ZDHHC21: variants seen among roughly 807,000 people sequenced by gnomAD.
ZDHHC21 encodes zDHHC palmitoyltransferase 21.
Under a neutral mutation model 34.6 loss-of-function variants are expected in ZDHHC21, and 15 were observed. The ratio of observed to expected loss-of-function variants is 0.43; its 90% confidence interval spans 0.29 to 0.67. ZDHHC21 has a LOEUF of 0.67. Ranked by LOEUF, ZDHHC21 falls within the 30% of genes least tolerant of loss-of-function variation. The probability of loss-of-function intolerance (pLI) is 0.14; values close to 1 mark genes in which losing one functional copy is unlikely to be tolerated. For missense variants in ZDHHC21, 344 were observed against 327.7 expected (o/e 1.05, Z -0.38); for synonymous variants, 142 against 101.8 (o/e 1.40, Z -2.38).
Position 14,612,529 on chromosome 9 carries a change from T to A in ZDHHC21, c.*6437A>T, listed in dbSNP as rs1741284231. 1 of 152,002 alleles carries A rather than the reference T, an allele frequency of 6.6e-6. No individual in the cohort carries two copies. The highest frequency in any genetic ancestry group is 2.4e-5 in the African/African-American group (1 of 41,432). 9.4% of individuals were successfully genotyped at this position (152,002 alleles called of 1,614,324 possible). On this transcript the variant is annotated 3_prime_UTR_variant, in exon 10 of 10. Coordinates refer to ENST00000380916, the MANE Select transcript of ZDHHC21 (RefSeq NM_178566.6). ...TAAAGGGTGTTTCTCTTCATTTTTG[T>A]AAAATTAACTACTAAGCAAAATTAG...
chr9:14,680,949 G>T (rs1837269759), intron 2 of ZDHHC21, among the ~76,000 whole-genome samples: 2 of 152,136 alleles, frequency 1.3e-5, no homozygotes, highest in Admixed American at 6.5e-5. Flanking sequence ...AACAAACCCT[G>T]TGAGGTAGCT....
chr9:14,621,223 C>T (rs1433445052), intron 8 of ZDHHC21, among the ~76,000 whole-genome samples: 1 of 151,826 alleles, frequency 6.6e-6, no homozygotes, highest in African/African-American at 2.4e-5. Flanking sequence ...ATATGAATGG[C>T]CTAAGATCAC....
chr9:14,662,349 C>A, intron 5 of ZDHHC21, 23 bp from the exon 6 acceptor site: 5 of 1,566,312 alleles, frequency 3.2e-6, no homozygotes, highest in South Asian at 1.2e-5. Context: ...AATTAAAATC[C>A]ATTTAATGAA....
chr9:14,674,334 G>T lies in ZDHHC21; in HGVS notation c.7C>A (p.Leu3Ile), dbSNP rs773550675. Residue 3 changes from leucine to isoleucine, a missense_variant, in exon 4 of 10, where the codon CTC becomes ATC. Transcript: ENST00000380916. MG[L>I]RIHFVVDPHG... ...GGGTCAACAACAAAGTGAATCCGGA[G>T]ACCCATTTTGCAATCTTATAACTGC... is the stretch of plus-strand genomic sequence containing the variant. 2 of 1,593,368 alleles carry T rather than the reference G, an allele frequency of 1.3e-6. No homozygotes were observed. Among genetic ancestry groups the T allele is most frequent in the African/African-American group, 2.7e-5 (2 of 73,376 alleles).
Position 14,693,305 on chromosome 9 carries a change from A to C in ZDHHC21, c.-301T>G, listed in dbSNP as rs1839466672. On this transcript the variant is annotated 5_prime_UTR_variant, in exon 1 of 10. Coordinates refer to ENST00000380916, the MANE Select transcript of ZDHHC21 (RefSeq NM_178566.6). ...CTCTTTCCCCTCCTCCTGCCGCGCC[A>C]CCTCCGCCTCCTCCGGCGCCGCCGC... 1 of 414,394 alleles carries C rather than the reference A, an allele frequency of 2.4e-6. No individual in the cohort carries two copies. 25.7% of individuals were successfully genotyped at this position (414,394 alleles called of 1,614,324 possible). A position where few individuals can be genotyped will look rare whatever the true frequency, so the allele number is the denominator to read the frequency against.
intron 6 of ZDHHC21, among the ~76,000 whole-genome samples, chr9:14,659,251 A>C (rs1157930896): frequency 2.0e-5 from 3 of 152,130 alleles, no homozygotes; most frequent in Non-Finnish European, 4.4e-5. Context: ...AGAGAGCAAG[A>C]ACCCTGCTTC....
At chr9:14,626,079 T>A (rs1410197072) in intron 8 of ZDHHC21, among the ~76,000 whole-genome samples, 2 of 152,016 alleles carry the variant, frequency 1.3e-5, no homozygotes, top group African/African-American at 4.8e-5. Flanking sequence ...AAACTGTTTA[T>A]AATCAAAACT....
At position 14,619,054 on chromosome 9, in the gene ZDHHC21, A is replaced by C; in HGVS notation, c.710T>G (p.Phe237Cys). The change falls in exon 10 of 10, where the codon TTT (phenylalanine) becomes TGT (cysteine). Residue 237 changes from phenylalanine to cysteine, a missense_variant. Coordinates refer to ENST00000380916, the MANE Select transcript of ZDHHC21 (RefSeq NM_178566.6). Reference protein sequence around the residue: ...KPWQQTFSEVFGTRWKILWFI... With the variant: ...KPWQQTFSEVCGTRWKILWFI... ...CCACAGGATCTTCCAACGAGTGCCAAAAACTTCTGAGAAGGTCTGCTGCCA... is the reference window on the plus strand; with the variant it reads ...CCACAGGATCTTCCAACGAGTGCCACAAACTTCTGAGAAGGTCTGCTGCCA... 6.2e-7 allele frequency: 1 copy of C among 1,612,250 alleles called. No homozygotes were observed. The highest frequency in any genetic ancestry group is 8.5e-7 in the Non-Finnish European group (1 of 1,179,034).
At chr9:14,638,708 G>C (rs956531421) in intron 8 of ZDHHC21, among the ~76,000 whole-genome samples, 1 of 151,624 alleles carries the variant, frequency 6.6e-6, no homozygotes, top group African/African-American at 2.4e-5. Context: ...GTGGGCATAG[G>C]ACATGAATAT....
chr9:14,662,155 G>T, intron 6 of ZDHHC21, 60 bp downstream of exon 6: 2 of 1,260,894 alleles, frequency 1.6e-6, no homozygotes, highest in East Asian at 2.4e-5. Context: ...CTGCCAAGTT[G>T]TAAGATTTAC....
chr9:14,676,339 A>G (rs900032120), intron 3 of ZDHHC21, among the ~76,000 whole-genome samples: 6 of 151,856 alleles, frequency 4.0e-5, no homozygotes, highest in Admixed American at 6.6e-5. Flanking sequence ...AACAATTCAT[A>G]ATCAATTGAA....
intron 8 of ZDHHC21, among the ~76,000 whole-genome samples, chr9:14,639,081 C>G (rs1053681305): frequency 6.6e-6 from 1 of 151,978 alleles, no homozygotes; most frequent in Admixed American, 6.6e-5. Context: ...GCACTATTCA[C>G]AAGAGCAAGG....
rs1472431687 is a variant in ZDHHC21, at chr9:14,615,986, G to C, written c.*2980C>G. ...AGTTATCCAGAATACATAAGAAATT[G>C]TTACTAAAACTATAGATATAACTCT... On this transcript the variant is annotated 3_prime_UTR_variant, in exon 10 of 10. Transcript: ENST00000380916. 1 of 151,302 alleles carries C rather than the reference G, an allele frequency of 6.6e-6. No homozygotes were observed. Among genetic ancestry groups the C allele is most frequent in the Non-Finnish European group, 1.5e-5 (1 of 67,650 alleles). 9.4% of individuals were successfully genotyped at this position (151,302 alleles called of 1,614,324 possible).
intron 8 of ZDHHC21, among the ~76,000 whole-genome samples, chr9:14,636,903 C>A (rs901069905): frequency 3.3e-5 from 5 of 151,912 alleles, no homozygotes; most frequent in African/African-American, 9.7e-5. Context: ...ACAACAAAAG[C>A]AGTGCTAGGA....
At chr9:14,637,885 GACAA>G (rs1239384686) in intron 8 of ZDHHC21, among the ~76,000 whole-genome samples, 1 of 151,934 alleles carries the variant, frequency 6.6e-6, no homozygotes, top group Non-Finnish European at 1.5e-5. Flanking sequence ...TAAAGGAAGA[GACAA>G]ACAAAGGAAA....
At position 14,613,965 on chromosome 9, in the gene ZDHHC21, A is replaced by C. The variant is rs962373753; in HGVS notation, c.*5001T>G. Reference sequence around the variant, plus strand: ...CTAAAATATTTATAAAAGGCATCTGACCAACTGAAGAGAAACCGCAATATA... The same window carrying C: ...CTAAAATATTTATAAAAGGCATCTGCCCAACTGAAGAGAAACCGCAATATA... On this transcript the variant is annotated 3_prime_UTR_variant, in exon 10 of 10. Transcript: ENST00000380916. The C allele has an allele frequency of 1.3e-5, 2 of 151,840 alleles. No individual in the cohort carries two copies. Among genetic ancestry groups the C allele is most frequent in the South Asian group, 2.1e-4 (1 of 4,826 alleles). The allele number at this position is 151,840 out of a possible 1,614,324, so 9.4% of individuals were successfully genotyped here. A position where few individuals can be genotyped will look rare whatever the true frequency, so the allele number is the denominator to read the frequency against.
At position 14,675,663 on chromosome 9, in the gene ZDHHC21, A is replaced by C. The variant is rs1836245226; in HGVS notation, c.-45-1278T>G. On this transcript the variant is annotated intron_variant, in intron 3 of 9. Coordinates refer to ENST00000380916, the MANE Select transcript of ZDHHC21 (RefSeq NM_178566.6). ...GACACTGCAGATACAATGATGAAGA[A>C]GACATGGTCTTTGCTTAAAGGAACA... Among the ~76,000 whole-genome samples, 4 of 151,982 alleles carry C rather than the reference A, an allele frequency of 2.6e-5. No individual in the cohort carries two copies. In the South Asian group the frequency reaches 8.3e-4, roughly 31 times the overall value.
At chr9:14,605,038 T>C in the ZDHHC21 span, among the ~76,000 whole-genome samples, 1 of 152,198 alleles carries the variant, frequency 6.6e-6, no homozygotes, top group South Asian at 2.1e-4. Flanking sequence ...TGACAGTATT[T>C]CCTTCCTTTT....
the ZDHHC21 span, among the ~76,000 whole-genome samples, chr9:14,597,497 C>A: frequency 6.6e-6 from 1 of 152,200 alleles, no homozygotes; most frequent in South Asian, 2.1e-4. Flanking sequence ...CCACTGAGAA[C>A]AACGCAGTCC....
Sources: gnomAD v4.1 joint callset for allele counts (sites outside exome capture counted in the v4.1 genomes callset) on GRCh38, gnomAD v4.1.1 for gene constraint, MANE v1.5 for transcripts, NCBI Gene and HGNC (gene_info 2026-07-23, HGNC 2026-07-21) for gene names.